The following ITGB3 variants were observed in gnomAD, a reference collection of about 807,000 sequenced individuals.
The protein encoded by ITGB3 is integrin subunit beta 3.
Under a neutral mutation model 85.8 loss-of-function variants are expected in ITGB3, and 48 were observed. That is an observed-to-expected ratio of 0.56 (90% CI 0.44 to 0.71). ITGB3 has a LOEUF of 0.71. Ranked by LOEUF, ITGB3 falls within the 30% of genes least tolerant of loss-of-function variation. ITGB3 has a pLI of 0.00. For missense variants in ITGB3, 861 were observed against 1,019.1 expected (o/e 0.84, Z 2.11); for synonymous variants, 363 against 395.6 (o/e 0.92, Z 0.98).
At chr17:47,265,698 A>G (rs2065022850) in intron 1 of ITGB3, among the ~76,000 whole-genome samples, 1 of 152,218 alleles carries the variant, frequency 6.6e-6, no homozygotes. Context: ...TTTTGGGGAC[A>G]TAAGTCAACT....
At chr17:47,284,351 C>T (rs1034189162) in intron 3 of ITGB3, 92 bp from the exon 4 acceptor site, 28 of 1,498,934 alleles carry the variant, frequency 1.9e-5, no homozygotes, top group Non-Finnish European at 2.3e-5. Context: ...TTGCTTTGAT[C>T]ATGCAATTTC....
intron 1 of ITGB3, among the ~76,000 whole-genome samples, chr17:47,260,074 T>TTGTG (rs113106495): frequency 1.8e-4 from 27 of 151,634 alleles, no homozygotes; most frequent in Non-Finnish European, 2.5e-4. Flanking sequence ...TTATGTTTAT[T>TTGTG]TGTGTGTGTG....
intron 2 of ITGB3, among the ~76,000 whole-genome samples, chr17:47,282,582 C>T (rs1036857225): frequency 6.6e-6 from 1 of 152,080 alleles, no homozygotes; most frequent in Non-Finnish European, 1.5e-5. Flanking sequence ...TGCTCTTAGC[C>T]CTGACTCTCT....
intron 12 of ITGB3, among the ~76,000 whole-genome samples, chr17:47,301,303 C>T (rs894205515): frequency 1.3e-5 from 2 of 152,130 alleles, no homozygotes; most frequent in East Asian, 3.9e-4. Context: ...ATGGCAATCT[C>T]TCCATAGATA....
Position 47,283,343 on chromosome 17 carries a change from CTG to C in ITGB3, c.166-9_166-8del. Reference sequence around the variant, plus strand: ...GATTGCTGGACTTCTCTTTGGGCTCCTGTCTTACAGGCCCTGCCTCTGGGCTC... The same window carrying C: ...GATTGCTGGACTTCTCTTTGGGCTCCTCTTACAGGCCCTGCCTCTGGGCTC... On this transcript the variant is annotated splice_polypyrimidine_tract_variant and intron_variant, in intron 2 of 14. Coordinates refer to ENST00000559488, the MANE Select transcript of ITGB3 (RefSeq NM_000212.3). 1 of 1,614,106 alleles carries C rather than the reference CTG, an allele frequency of 6.2e-7. No individual in the cohort carries two copies. Among genetic ancestry groups the C allele is most frequent in the South Asian group, 1.1e-5 (1 of 91,052 alleles).
In ITGB3 at chr17:47,284,597, C is replaced by T. The variant is rs771333041; in HGVS notation, c.516C>T (p.Thr172=). 12 of 1,614,138 alleles carry T rather than the reference C, an allele frequency of 7.4e-6. No individual in the cohort carries two copies. In the South Asian group the frequency reaches 1.2e-4, roughly 16 times the overall value. The part of the protein sequence containing the change: ...TKLATQMRKL[T]SNLRIGFGAF... ...TGGCCACCCAGATGCGAAAGCTCAC[C>T]AGTAACCTGCGGATTGGCTTCGGGG... is the stretch of plus-strand genomic sequence containing the variant. The change falls in exon 4 of 15, where the codon ACC becomes ACT. Residue 172 remains threonine, a synonymous_variant. Transcript: ENST00000559488.
chr17:47,311,830 C>T lies in ITGB3; in HGVS notation c.*1626C>T, dbSNP rs2065216250. ...TTGTTCCATGAGCAGAAAACTGGAG[C>T]TCTGGCCTCAGTGTTACAGCTAAAT... is the stretch of plus-strand genomic sequence containing the variant. On this transcript the variant is annotated 3_prime_UTR_variant, in exon 15 of 15. Coordinates refer to ENST00000559488, the MANE Select transcript of ITGB3 (RefSeq NM_000212.3). The T allele has an allele frequency of 6.6e-6, 1 of 152,238 alleles. No homozygotes were observed. Among genetic ancestry groups the T allele is most frequent in the African/African-American group, 2.4e-5 (1 of 41,464 alleles). The allele number at this position is 152,238 out of a possible 1,614,324, so 9.4% of individuals were successfully genotyped here.
chr17:47,286,939 C>T (rs918362638), intron 5 of ITGB3, 131 bp from the exon 6 acceptor site: 2 of 851,920 alleles, frequency 2.3e-6, no homozygotes, highest in Non-Finnish European at 3.7e-6. Context: ...GGGACTGAGA[C>T]CCTTGTTTTG....
intron 1 of ITGB3, among the ~76,000 whole-genome samples, chr17:47,267,118 G>A (rs2065028501): frequency 6.6e-6 from 1 of 152,192 alleles, no homozygotes; most frequent in Admixed American, 6.5e-5. Context: ...AGCAGCAGCA[G>A]CAGCAGCATT....
rs377162158 is a variant in ITGB3, at chr17:47,286,370, G to A, written c.725G>A (p.Arg242Gln). 3.7e-6 allele frequency: 6 copies of A among 1,614,090 alleles called. No homozygotes were observed. The African/African-American group carries it at 4.0e-5, about 11-fold the overall frequency. The change falls in exon 5 of 15, where the codon CGA becomes CAA. Residue 242 changes from arginine to glutamine, a missense_variant. Transcript: ENST00000559488. The part of the protein sequence containing the change: ...EVKKQSVSRN[R>Q]DAPEGGFDAI... ...AAGAAGCAGAGTGTGTCACGGAACC[G>A]AGATGCCCCAGAGGGTGGCTTTGAT...
At chr17:47,266,123 A>G (rs1018655693) in intron 1 of ITGB3, among the ~76,000 whole-genome samples, 2 of 152,136 alleles carry the variant, frequency 1.3e-5, no homozygotes, top group Admixed American at 6.5e-5. Context: ...AGGTGACTAC[A>G]ATGAGGCATC....
In ITGB3 at chr17:47,307,580, C is replaced by T. The variant is rs553842219; in HGVS notation, c.2244C>T (p.His748=). The T allele has an allele frequency of 1.5e-5, 25 of 1,614,166 alleles. No homozygotes were observed. Among genetic ancestry groups the T allele is most frequent in the Middle Eastern group, 3.3e-4 (2 of 6,062 alleles). The change falls in exon 14 of 15, where the codon CAC becomes CAT. Residue 748 remains histidine, a synonymous_variant. Transcript: ENST00000559488. ...TCTGGAAACTCCTCATCACCATCCA[C>T]GACCGAAAAGAATTCGCTAAATTTG... The part of the protein sequence containing the change: ...LLIWKLLITI[H]DRKEFAKFEE...
intron 2 of ITGB3, among the ~76,000 whole-genome samples, chr17:47,275,182 A>C (rs1339238520): frequency 2.0e-5 from 3 of 151,798 alleles, no homozygotes; most frequent in Admixed American, 6.6e-5. Flanking sequence ...GCGGCTTTAC[A>C]TTTTTCTTTC....
chr17:47,290,122 A>G, intron 7 of ITGB3, 63 bp from the exon 8 acceptor site: 1 of 1,213,134 alleles, frequency 8.2e-7, no homozygotes, highest in Non-Finnish European at 1.2e-6. Context: ...GGATTTGGGG[A>G]GGGCTTTTGG....
chr17:47,285,467 T>C (rs2065099153), intron 4 of ITGB3, among the ~76,000 whole-genome samples: 1 of 151,950 alleles, frequency 6.6e-6, no homozygotes. Flanking sequence ...ACAAAAAAAT[T>C]AGCTATGTGT....
At chr17:47,301,894 C>T (rs2143136294) in intron 12 of ITGB3, among the ~76,000 whole-genome samples, 1 of 152,196 alleles carries the variant, frequency 6.6e-6, no homozygotes, top group Middle Eastern at 3.4e-3. Context: ...GTACTCTTTT[C>T]CCTGTATTAT....
At chr17:47,290,115 T>G in intron 7 of ITGB3, 70 bp from the exon 8 acceptor site, 1 of 1,126,314 alleles carries the variant, frequency 8.9e-7, no homozygotes, top group Non-Finnish European at 1.4e-6. Context: ...CTCAGTGGGA[T>G]TTGGGGAGGG....
chr17:47,268,525 C>T (rs2065033601), intron 1 of ITGB3, among the ~76,000 whole-genome samples: 1 of 152,188 alleles, frequency 6.6e-6, no homozygotes, highest in Non-Finnish European at 1.5e-5. Context: ...TGGCCCCACG[C>T]AAGTCTGAAA....
Position 47,289,696 on chromosome 17 carries a change from G to A in ITGB3, c.955G>A (p.Gly319Arg). The change falls in exon 7 of 15, where the codon GGG becomes AGG. Residue 319 changes from glycine (G) to arginine (R), a missense_variant. Transcript: ENST00000559488. ...ATTTTCCTAGGATTATCCCTCTTTG[G>A]GGCTGATGACTGAGAAGCTATCCCA... ...ASTTMDYPSL[G>R]LMTEKLSQKN... 1.2e-6 allele frequency: 2 copies of A among 1,612,798 alleles called. No individual in the cohort carries two copies. The highest frequency in any genetic ancestry group is 2.2e-5 in the South Asian group (2 of 91,042).
Sources: gnomAD v4.1 joint callset for allele counts (sites outside exome capture counted in the v4.1 genomes callset) on GRCh38, gnomAD v4.1.1 for gene constraint, MANE v1.5 for transcripts, NCBI Gene and HGNC (gene_info 2026-07-23, HGNC 2026-07-21) for gene names.